Variants in HS6ST3 observed in about 807,000 individuals in gnomAD.
The protein encoded by HS6ST3 is heparan sulfate 6-O-sulfotransferase 3, also known as heparan-sulfate 6-O-sulfotransferase 3.
HS6ST3 carries 12 observed loss-of-function variants against 36.7 expected under a neutral mutation model. The ratio of observed to expected loss-of-function variants is 0.33; its 90% confidence interval spans 0.21 to 0.53. The LOEUF is 0.53. Ranked by LOEUF, HS6ST3 falls within the 20% of genes least tolerant of loss-of-function variation. The probability of loss-of-function intolerance (pLI) is 0.95; values close to 1 mark genes in which losing one functional copy is unlikely to be tolerated. For missense variants in HS6ST3, 584 were observed against 640.9 expected, an observed-to-expected ratio of 0.91 and a Z score of 0.96; for synonymous variants, 240 against 257.5, an observed-to-expected ratio of 0.93 and a Z score of 0.65.
chr13:96,189,963 G>T (rs966004493), intron 1 of HS6ST3, among the ~76,000 whole-genome samples: 1 of 152,128 alleles, frequency 6.6e-6, no homozygotes, highest in African/African-American at 2.4e-5. Context: ...ACCCCACATT[G>T]ACTCAGATCT....
intron 1 of HS6ST3, among the ~76,000 whole-genome samples, chr13:96,203,509 A>G (rs2054353583): frequency 6.6e-6 from 1 of 152,224 alleles, no homozygotes; most frequent in Non-Finnish European, 1.5e-5. Flanking sequence ...TTCAGTCTAT[A>G]GCAAACACCA....
At chr13:96,188,979 G>C (rs560977477) in intron 1 of HS6ST3, among the ~76,000 whole-genome samples, 1 of 152,176 alleles carries the variant, frequency 6.6e-6, no homozygotes, top group East Asian at 1.9e-4. Context: ...TGGCTAGCAC[G>C]AATATGGTAT....
At chr13:96,656,702 G>T (rs1220495452) in intron 1 of HS6ST3, among the ~76,000 whole-genome samples, 1 of 152,108 alleles carries the variant, frequency 6.6e-6, no homozygotes, top group Non-Finnish European at 1.5e-5. Flanking sequence ...TCGCAAAAAC[G>T]ATGGCATAGG....
At chr13:96,426,795 C>G (rs184866325) in intron 1 of HS6ST3, among the ~76,000 whole-genome samples, 1 of 152,182 alleles carries the variant, frequency 6.6e-6, no homozygotes, top group African/African-American at 2.4e-5. Context: ...TGCTTGTTTC[C>G]TTAAATAGTA....
At chr13:96,602,224 G>A (rs1357586141) in intron 1 of HS6ST3, among the ~76,000 whole-genome samples, 1 of 152,030 alleles carries the variant, frequency 6.6e-6, no homozygotes, top group Non-Finnish European at 1.5e-5. Flanking sequence ...TGTTTACTGA[G>A]CTTCCTTAAA....
At chr13:96,724,810 T>C (rs891119684) in intron 1 of HS6ST3, among the ~76,000 whole-genome samples, 1 of 152,208 alleles carries the variant, frequency 6.6e-6, no homozygotes, top group African/African-American at 2.4e-5. Flanking sequence ...TGCGATATTA[T>C]AAATAAAGTG....
In HS6ST3 at chr13:96,429,311, G is replaced by A. The variant is rs78079064; in HGVS notation, c.707+337742G>A. Among the ~76,000 whole-genome samples the A allele has an allele frequency of 5.3e-4, 81 of 152,296 alleles. No homozygotes were observed. The East Asian group carries it at 0.014, about 27-fold the overall frequency. The stretch of plus-strand genomic sequence containing the variant: ...CCGAAAGGTTACCTATAGAAGCAGC[G>A]TGATATTATAAAATGAACATTGGAT... On this transcript the variant is annotated intron_variant, in intron 1 of 1. Transcript: ENST00000376705.
chr13:96,130,815 C>G (rs1001659644), intron 1 of HS6ST3, among the ~76,000 whole-genome samples: 2 of 151,904 alleles, frequency 1.3e-5, no homozygotes, highest in African/African-American at 2.4e-5. Flanking sequence ...TCCTATCCTT[C>G]CTAGTCTGGA....
At chr13:96,738,738 C>A (rs573619380) in intron 1 of HS6ST3, among the ~76,000 whole-genome samples, 1 of 152,022 alleles carries the variant, frequency 6.6e-6, no homozygotes, top group East Asian at 1.9e-4. Flanking sequence ...ATATTTAAAC[C>A]CAGTTACATT....
intron 1 of HS6ST3, among the ~76,000 whole-genome samples, chr13:96,264,194 C>T (rs919737397): frequency 2.0e-5 from 3 of 152,076 alleles, no homozygotes; most frequent in Admixed American, 1.3e-4. Flanking sequence ...AAGAATGCTG[C>T]GAATGCATCT....
intron 1 of HS6ST3, among the ~76,000 whole-genome samples, chr13:96,117,330 G>A (rs1295436957): frequency 1.3e-5 from 2 of 152,070 alleles, no homozygotes; most frequent in Non-Finnish European, 2.9e-5. Context: ...TCAAAATAAA[G>A]CAGAAGAATA....
At chr13:96,137,558 C>T (rs549330169) in intron 1 of HS6ST3, among the ~76,000 whole-genome samples, 41 of 152,044 alleles carry the variant, frequency 2.7e-4, no homozygotes, top group Admixed American at 5.9e-4. Context: ...CTCAGCTTCC[C>T]GAGTAGCTGG....
intron 1 of HS6ST3, among the ~76,000 whole-genome samples, chr13:96,508,132 C>T (rs570393521): frequency 6.6e-6 from 1 of 152,196 alleles, no homozygotes. Flanking sequence ...TTATGAGTTA[C>T]ATGATTATGT....
At chr13:96,785,871 G>A (rs543611145) in intron 1 of HS6ST3, among the ~76,000 whole-genome samples, 7 of 152,220 alleles carry the variant, frequency 4.6e-5, no homozygotes, top group South Asian at 2.1e-4. Flanking sequence ...TCTTCACTTC[G>A]CATATGCAGA....
At position 96,785,696 on chromosome 13, in the gene HS6ST3, A is replaced by G. The variant is rs550864499; in HGVS notation, c.708-46794A>G. ...ACACCAAACTGAGGGACTCATGCAA[A>G]CAGGAAAGCAACAAGAGACATGCAT... On this transcript the variant is annotated intron_variant, in intron 1 of 1. Coordinates refer to ENST00000376705, the MANE Select transcript of HS6ST3 (RefSeq NM_153456.4). Among the ~76,000 whole-genome samples the G allele has an allele frequency of 3.3e-5, 5 of 152,276 alleles. No homozygotes were observed. In the East Asian group the frequency reaches 9.7e-4, roughly 29 times the overall value.
At chr13:96,473,148 A>T (rs61967704) in intron 1 of HS6ST3, among the ~76,000 whole-genome samples, 1,612 of 152,302 alleles carry the variant, frequency 0.011, 9 homozygotes, top group Middle Eastern at 0.017. Flanking sequence ...GGCGGTTTTA[A>T]TTACACAGGA....
intron 1 of HS6ST3, among the ~76,000 whole-genome samples, chr13:96,156,581 G>C (rs996935592): frequency 1.4e-4 from 21 of 152,072 alleles, no homozygotes; most frequent in Non-Finnish European, 2.9e-4. Context: ...GGGCAGTGTC[G>C]GCCACCATGA....
At chr13:96,547,173 G>C (rs867549620) in intron 1 of HS6ST3, among the ~76,000 whole-genome samples, 3 of 152,112 alleles carry the variant, frequency 2.0e-5, no homozygotes, top group South Asian at 4.1e-4. Context: ...TTCTCTTTTA[G>C]GGAACAATAA....
chr13:96,104,125 A>G (rs2139296441), intron 1 of HS6ST3, among the ~76,000 whole-genome samples: 1 of 152,298 alleles, frequency 6.6e-6, no homozygotes, highest in Non-Finnish European at 1.5e-5. Flanking sequence ...TAAGAAAATG[A>G]AGAAAATTTC....
Sources: allele counts gnomAD v4.1 joint callset (sites outside exome capture counted in the v4.1 genomes callset), GRCh38; gene constraint gnomAD v4.1.1; transcripts MANE v1.5; gene names NCBI Gene and HGNC (gene_info 2026-07-23, HGNC 2026-07-21).